The following INPP5K variants were observed in gnomAD, a reference collection of about 807,000 sequenced individuals.
The protein encoded by INPP5K is inositol polyphosphate-5-phosphatase K.
In INPP5K, 35 loss-of-function variants were observed where a neutral mutation model predicts 53.5. The ratio of observed to expected loss-of-function variants is 0.65; its 90% CI spans 0.50 to 0.87. The LOEUF (loss-of-function observed/expected upper bound fraction) is 0.87, where lower values mean the gene tolerates loss of function less well. INPP5K is among the 40% of genes least tolerant of loss of function. The probability of loss-of-function intolerance (pLI) is 0.00; values close to 1 mark genes in which losing one functional copy is unlikely to be tolerated. For missense variants in INPP5K, 550 were observed against 586.2 expected, an observed-to-expected ratio of 0.94 and a Z score of 0.64; for synonymous variants, 253 against 232.8, an observed-to-expected ratio of 1.09 and a Z score of -0.79.
chr17:1,513,019 G>C (rs762951134), intron 3 of INPP5K, among the ~76,000 whole-genome samples: 38 of 152,308 alleles, frequency 2.5e-4, no homozygotes, highest in Non-Finnish European at 3.7e-4. Context: ...CAACAGACTT[G>C]TTAAGATTTT....
chr17:1,500,807 T>C (rs1401274435), intron 7 of INPP5K, among the ~76,000 whole-genome samples: 1 of 152,150 alleles, frequency 6.6e-6, no homozygotes, highest in East Asian at 1.9e-4. Context: ...TTAGCACAGA[T>C]CCTGGCACAC....
chr17:1,501,253 T>C (rs1322507296), intron 7 of INPP5K, among the ~76,000 whole-genome samples: 1 of 152,208 alleles, frequency 6.6e-6, no homozygotes, highest in Non-Finnish European at 1.5e-5. Context: ...CCACCGTGCC[T>C]GGCCTATTCA....
rs993849342 is a variant in INPP5K, at chr17:1,496,679, A to G, written c.1088T>C (p.Ile363Thr). The stretch of plus-strand genomic sequence containing the variant: ...CCACCACATCACCTTGTACAGTCCA[A>G]TCCAGTCCCACGGGCTGCTGGGGAA... ...SDFPSSPWDW[I>T]GLYKVGLRDV... is the part of the protein sequence containing the mutation. Residue 363 changes from isoleucine to threonine, a missense_variant, in exon 9 of 12, where the codon ATT becomes ACT. Ile to Thr is a moderately conservative substitution (Grantham distance 89). Transcript: ENST00000421807. The G allele has an allele frequency of 1.2e-6, 2 of 1,614,126 alleles. No homozygotes were observed. Among genetic ancestry groups the G allele is most frequent in the Non-Finnish European group, 1.7e-6 (2 of 1,180,018 alleles).
At chr17:1,508,484 C>T (rs2075218625) in intron 5 of INPP5K, 1 of 469,812 alleles carries the variant, frequency 2.1e-6, no homozygotes, top group African/African-American at 2.0e-5. Context: ...CTCTCCTTAA[C>T]TGGTCACGAG....
chr17:1,496,355 C>A lies in INPP5K; in HGVS notation c.1149G>T (p.Gly383=), dbSNP rs139890859. 8.3e-6 allele frequency: 13 copies of A among 1,563,892 alleles called. No individual in the cohort carries two copies. The highest frequency in any genetic ancestry group is 1.2e-5 in the South Asian group (1 of 85,120). Residue 383 remains glycine (G), a synonymous_variant, in exon 10 of 12, where the codon GGG becomes GGT. Transcript: ENST00000421807. ...TGTCGCTGCAGGAGACCTTGCTGTC[C>A]CCGACCCAGGCATAGGACACGTAGT... ...VNDYVSYAWV[G]DSKVSCSDNL... is the part of the protein sequence containing the mutation.
rs747372189 is a variant in INPP5K, at chr17:1,509,719, A to G, written c.342T>C (p.Ser114=). The G allele has an allele frequency of 6.2e-7, 1 of 1,613,208 alleles. No individual in the cohort carries two copies. The highest frequency in any genetic ancestry group is 8.5e-7 in the Non-Finnish European group (1 of 1,179,218). ...YQHLPYIQIL[S]TKSTPTGLFG... ...ACAGGCCAGTGGGGGTGGATTTAGT[A>G]GACAGAATCTGGATATAGGGCAAAT... The change falls in exon 4 of 12, where the codon TCT becomes TCC. Residue 114 remains serine (S), a synonymous_variant. Coordinates refer to ENST00000421807, the MANE Select transcript of INPP5K (RefSeq NM_016532.4).
At chr17:1,498,244 G>A in intron 7 of INPP5K, 122 bp from the exon 8 acceptor site, 1 of 823,354 alleles carries the variant, frequency 1.2e-6, no homozygotes, top group Admixed American at 2.5e-5. Flanking sequence ...GGCAGCCACA[G>A]ACCCCCGGGG....
intron 7 of INPP5K, among the ~76,000 whole-genome samples, chr17:1,499,758 G>A (rs530722055): frequency 3.3e-5 from 5 of 152,140 alleles, no homozygotes; most frequent in Non-Finnish European, 5.9e-5. Context: ...TGTGTGTGGC[G>A]GGGGAGCAGG....
In INPP5K at chr17:1,514,036, G is replaced by A. The variant is rs907867068; in HGVS notation, c.45-57C>T. On this transcript the variant is annotated intron_variant, in intron 1 of 11. Transcript: ENST00000421807. ...GGAAGGAGGATAAGATAGTGCACGG[G>A]GTCGGCTGGGCGCAGAGGCTCACAC... The A allele has an allele frequency of 6.7e-5, 85 of 1,270,938 alleles. 2 individuals carry two copies. In the South Asian group the frequency reaches 1.1e-3, roughly 17 times the overall value. The allele number at this position is 1,270,938 out of a possible 1,614,324, so 78.7% of individuals were successfully genotyped here.
At chr17:1,512,502 C>G (rs1163976585) in intron 3 of INPP5K, among the ~76,000 whole-genome samples, 1 of 152,160 alleles carries the variant, frequency 6.6e-6, no homozygotes, top group African/African-American at 2.4e-5. Flanking sequence ...CCCAGGCAAA[C>G]TAGGCTGACA....
rs1305881614 is a variant in INPP5K at position 1,509,290 on chromosome 17, A to G, written c.442T>C (p.Cys148Arg). The change falls in exon 5 of 12, where the codon TGC (cysteine) becomes CGC (arginine). Residue 148 changes from cysteine (C) to arginine (R), a missense_variant. By Grantham distance (180) the Cys-to-Arg change is radical (BLOSUM62 -3). Coordinates refer to ENST00000421807, the MANE Select transcript of INPP5K (RefSeq NM_016532.4). Reference protein sequence around the residue: ...LYGYYVSIINCHLPPHISNNY... With the variant: ...LYGYYVSIINRHLPPHISNNY... Reference sequence around the variant, plus strand: ...TTGGAAATGTGGGGAGGCAGGTGGCAGTTGATGATGCTGACATAGTAGCCA... The same window carrying G: ...TTGGAAATGTGGGGAGGCAGGTGGCGGTTGATGATGCTGACATAGTAGCCA... The G allele has an allele frequency of 6.2e-7, 1 of 1,614,124 alleles. No homozygotes were observed. The highest frequency in any genetic ancestry group is 1.1e-5 in the South Asian group (1 of 91,080).
chr17:1,500,580 T>A (rs189720376), intron 7 of INPP5K, among the ~76,000 whole-genome samples: 7,256 of 152,180 alleles, frequency 0.048, 226 homozygotes, highest in Non-Finnish European at 0.073. Context: ...TTAGCCAGGA[T>A]GGTCTTGATC....
intron 2 of INPP5K, 47 bp downstream of exon 2, chr17:1,513,825 A>G (rs1166034718): frequency 7.0e-7 from 1 of 1,424,378 alleles, no homozygotes; most frequent in Non-Finnish European, 9.8e-7. Context: ...CCCACAGGGA[A>G]ACCTGGGACT....
chr17:1,499,507 T>A (rs1402464584), intron 7 of INPP5K, among the ~76,000 whole-genome samples: 2 of 150,946 alleles, frequency 1.3e-5, no homozygotes, highest in East Asian at 3.9e-4. Context: ...AAAAAAGGAG[T>A]CGACTGAGAG....
In INPP5K at chr17:1,508,145, C is replaced by T. The variant is rs748831902; in HGVS notation, c.636G>A (p.Arg212=). The change falls in exon 6 of 12, where the codon CGG becomes CGA. Residue 212 remains arginine, a synonymous_variant. Coordinates refer to ENST00000421807, the MANE Select transcript of INPP5K (RefSeq NM_016532.4). ...LHFVRESIKN[R]CYGGLWEKDQ... ...CCTTCTCCCACAGGCCACCGTAGCA[C>T]CGATTTTTAATGGATTCCCGAACAA... 6.2e-7 allele frequency: 1 copy of T among 1,613,976 alleles called. No individual in the cohort carries two copies. The highest frequency in any genetic ancestry group is 1.3e-5 in the African/African-American group (1 of 74,918).
rs199571305 is a variant in INPP5K, at chr17:1,507,071, G to A, written c.685C>T (p.His229Tyr). Reference sequence around the variant, plus strand: ...TGGAACTCCCGGAGCAGCGGGTCATGTTTCTTGGCAATGCTGAGCTGCAGA... The same window carrying A: ...TGGAACTCCCGGAGCAGCGGGTCATATTTCTTGGCAATGCTGAGCTGCAGA... ...EKDQLSIAKK[H>Y]DPLLREFQEG... The change falls in exon 7 of 12, where the codon CAT becomes TAT. Residue 229 changes from histidine (H) to tyrosine (Y), a missense_variant. His to Tyr is a moderately conservative substitution (Grantham distance 83, BLOSUM62 2). Transcript: ENST00000421807. The A allele has an allele frequency of 1.6e-4, 261 of 1,613,880 alleles. No individual in the cohort carries two copies. Among genetic ancestry groups the A allele is most frequent in the Non-Finnish European group, 2.1e-4 (243 of 1,179,954 alleles).
chr17:1,501,013 C>T (rs2150981839), intron 7 of INPP5K, among the ~76,000 whole-genome samples: 1 of 146,946 alleles, frequency 6.8e-6, no homozygotes, highest in South Asian at 2.1e-4. Flanking sequence ...GGCTGGAGTG[C>T]AGTGGCGCAA....
In INPP5K at chr17:1,516,473, C is replaced by A; in HGVS notation, c.27G>T (p.Pro9=). ...GCCCTCACCTGAGCCTCCTGCCTTT[C>A]GGCCCGCTCAGCTTCCGCGAGCTCA... MSSRKLSG[P]KGRRLSIHVV... is the part of the protein sequence containing the mutation. The change falls in exon 1 of 12, where the codon CCG becomes CCT. Residue 9 remains proline, a synonymous_variant. Transcript: ENST00000421807. The A allele has an allele frequency of 6.3e-7, 1 of 1,589,714 alleles. No homozygotes were observed. Among genetic ancestry groups the A allele is most frequent in the South Asian group, 1.1e-5 (1 of 89,736 alleles).
intron 5 of INPP5K, 126 bp from the exon 6 acceptor site, chr17:1,508,352 C>G (rs1383223080): frequency 1.4e-6 from 1 of 732,118 alleles, no homozygotes; most frequent in Admixed American, 2.0e-5. Flanking sequence ...GCAAGTGAGA[C>G]GCCAGGGCAC....
Sources: gnomAD v4.1 joint callset for allele counts (sites outside exome capture counted in the v4.1 genomes callset) on GRCh38, gnomAD v4.1.1 for gene constraint, MANE v1.5 for transcripts, NCBI Gene and HGNC (gene_info 2026-07-23, HGNC 2026-07-21) for gene names.